The following GRM3 variants were observed in gnomAD, a reference collection of about 807,000 sequenced individuals.
The protein encoded by GRM3 is metabotropic glutamate receptor 3.
A neutral mutation model predicts 70.5 loss-of-function variants in GRM3; 26 were observed. That is an observed-to-expected ratio of 0.37 (90% CI 0.27 to 0.51). GRM3 has a LOEUF of 0.51. Among genes scored for constraint, GRM3 ranks in the 20% least tolerant of loss-of-function variants. The pLI is 0.93. For synonymous variants in GRM3, 443 were observed against 434.9 expected (o/e 1.02, Z -0.23); for missense variants, 859 against 1,123.8 (o/e 0.76, Z 3.37).
At chr7:86,803,287 T>C (rs994963561) in intron 3 of GRM3, among the ~76,000 whole-genome samples, 3 of 152,214 alleles carry the variant, frequency 2.0e-5, no homozygotes, top group African/African-American at 7.2e-5. Flanking sequence ...GTTCCTTATC[T>C]TTTGCCTACC....
intron 1 of GRM3, among the ~76,000 whole-genome samples, chr7:86,721,299 A>T (rs996888698): frequency 6.6e-6 from 1 of 152,078 alleles, no homozygotes; most frequent in African/African-American, 2.4e-5. Context: ...ATGAGTTTTT[A>T]ATTTCTTCCT....
At chr7:86,655,753 T>C (rs1471414369) in intron 1 of GRM3, among the ~76,000 whole-genome samples, 2 of 151,810 alleles carry the variant, frequency 1.3e-5, no homozygotes, top group Non-Finnish European at 2.9e-5. Context: ...GAAAACAAGA[T>C]GGTTATAGGA....
At chr7:86,732,877 A>C (rs1225073822) in intron 1 of GRM3, among the ~76,000 whole-genome samples, 1 of 152,192 alleles carries the variant, frequency 6.6e-6, no homozygotes, top group Non-Finnish European at 1.5e-5. Context: ...GACTGGCATG[A>C]TCTAGATCAG....
chr7:86,676,424 A>G (rs192122737), intron 1 of GRM3, among the ~76,000 whole-genome samples: 2 of 97,950 alleles, frequency 2.0e-5, no homozygotes, highest in Admixed American at 2.5e-4. Context: ...TTCTCTGTAG[A>G]AAAGCAGCAG....
chr7:86,748,771 T>A (rs1318927323), intron 1 of GRM3, among the ~76,000 whole-genome samples: 1 of 152,094 alleles, frequency 6.6e-6, no homozygotes, highest in Admixed American at 6.6e-5. Context: ...GCTACTGTCC[T>A]GTTGTTCACT....
At chr7:86,711,267 G>T (rs1795193987) in intron 1 of GRM3, among the ~76,000 whole-genome samples, 1 of 151,850 alleles carries the variant, frequency 6.6e-6, no homozygotes, top group African/African-American at 2.4e-5. Flanking sequence ...GACAGCTTTT[G>T]TGAACATTTA....
chr7:86,719,731 AAG>A (rs779233729), intron 1 of GRM3, among the ~76,000 whole-genome samples: 2 of 151,910 alleles, frequency 1.3e-5, no homozygotes, highest in Non-Finnish European at 2.9e-5. Context: ...AGTGAAGCAA[AAG>A]AGAAGTATGA....
In GRM3 at chr7:86,744,340, G is replaced by A. The variant is rs562258654; in HGVS notation, c.-140-20666G>A. 3.3e-5 allele frequency among the ~76,000 whole-genome samples: 5 copies of A among 151,650 alleles called. No individual in the cohort carries two copies. The South Asian group carries it at 1.0e-3, about 32-fold the overall frequency. ...CAGCCCTCCGCAATTATCTTAAGGG[G>A]TCCAGAATATTTGGGAAAGATGTCA... On this transcript the variant is annotated intron_variant, in intron 1 of 5. Transcript: ENST00000361669.
At chr7:86,652,099 T>C (rs1311861023) in intron 1 of GRM3, among the ~76,000 whole-genome samples, 1 of 152,206 alleles carries the variant, frequency 6.6e-6, no homozygotes, top group Non-Finnish European at 1.5e-5. Flanking sequence ...AGACAAGCCC[T>C]TCCTTGGCTA....
At chr7:86,725,918 G>A (rs1473273861) in intron 1 of GRM3, among the ~76,000 whole-genome samples, 2 of 152,130 alleles carry the variant, frequency 1.3e-5, no homozygotes, top group African/African-American at 4.8e-5. Flanking sequence ...TCTCTTCTTA[G>A]AAGGACACTA....
chr7:86,648,465 C>T (rs1422608869), intron 1 of GRM3, among the ~76,000 whole-genome samples: 1 of 152,034 alleles, frequency 6.6e-6, no homozygotes, highest in African/African-American at 2.4e-5. Flanking sequence ...AAAGTGATGT[C>T]CATAATTAAT....
At chr7:86,646,847 A>C (rs1481669038) in intron 1 of GRM3, among the ~76,000 whole-genome samples, 2 of 152,186 alleles carry the variant, frequency 1.3e-5, no homozygotes, top group Admixed American at 6.5e-5. Flanking sequence ...TATAATTAAA[A>C]TATACTCTGT....
intron 2 of GRM3, among the ~76,000 whole-genome samples, chr7:86,769,274 C>G (rs960778742): frequency 6.6e-6 from 1 of 151,888 alleles, no homozygotes; most frequent in African/African-American, 2.4e-5. Flanking sequence ...TTGAACTGAG[C>G]CGGGGGAAAA....
intron 1 of GRM3, among the ~76,000 whole-genome samples, chr7:86,704,722 G>T (rs1554348930): frequency 2.6e-5 from 4 of 151,836 alleles, no homozygotes; most frequent in Non-Finnish European, 4.4e-5. Context: ...TTGAAAGACT[G>T]AAAAACCTAG....
At chr7:86,794,833 T>C (rs1797509796) in intron 3 of GRM3, among the ~76,000 whole-genome samples, 1 of 151,674 alleles carries the variant, frequency 6.6e-6, no homozygotes, top group African/African-American at 2.4e-5. Flanking sequence ...TCTGAAGTCA[T>C]AGTAATAACA....
chr7:86,751,617 T>G (rs1238497938), intron 1 of GRM3, among the ~76,000 whole-genome samples: 1 of 152,104 alleles, frequency 6.6e-6, no homozygotes. Flanking sequence ...ACTCTTCACC[T>G]TTCTCTTCCC....
chr7:86,798,496 T>C (rs573757346), intron 3 of GRM3, among the ~76,000 whole-genome samples: 2 of 152,308 alleles, frequency 1.3e-5, no homozygotes, highest in East Asian at 3.9e-4. Flanking sequence ...TTTGGCCTAC[T>C]TTTCCCATTT....
chr7:86,719,976 A>C (rs1040177536), intron 1 of GRM3, among the ~76,000 whole-genome samples: 3 of 152,014 alleles, frequency 2.0e-5, no homozygotes, highest in Non-Finnish European at 4.4e-5. Context: ...AGTATAAACT[A>C]TCAGAAAAGT....
intron 3 of GRM3, among the ~76,000 whole-genome samples, chr7:86,806,431 G>T (rs1197676028): frequency 1.3e-5 from 2 of 152,138 alleles, no homozygotes; most frequent in Non-Finnish European, 1.5e-5. Context: ...ACTTTTTAAT[G>T]ATTGCCATTC....
Sources: allele counts gnomAD v4.1 joint callset (sites outside exome capture counted in the v4.1 genomes callset), GRCh38; gene constraint gnomAD v4.1.1; transcripts MANE v1.5; gene names NCBI Gene and HGNC (gene_info 2026-07-23, HGNC 2026-07-21).